The following CCDC73 variants were observed in gnomAD, a reference collection of about 807,000 sequenced individuals.
CCDC73 encodes coiled-coil domain containing 73.
Under a neutral mutation model 116.5 loss-of-function variants are expected in CCDC73, and 95 were observed. The observed-to-expected ratio is 0.82, with a 90% CI of 0.69 to 0.97. The LOEUF is 0.97. Ranked by LOEUF, CCDC73 falls within the 50% of genes least tolerant of loss-of-function variation. CCDC73 has a pLI of 0.00. For synonymous variants in CCDC73, 398 were observed against 401.3 expected, an observed-to-expected ratio of 0.99 and a Z score of 0.10; for missense variants, 1,066 against 1,206.8, an observed-to-expected ratio of 0.88 and a Z score of 1.73.
chr11:32,796,288 T>C (rs1850727573), upstream of CCDC73, among the ~76,000 whole-genome samples: 1 of 152,258 alleles, frequency 6.6e-6, no homozygotes, highest in Non-Finnish European at 1.5e-5. Flanking sequence ...ATGCCTGGCA[T>C]GTAAATGCCA....
At chr11:32,603,117 AC>A in intron 17 of CCDC73, 97 bp from the exon 18 acceptor site, 2 of 960,358 alleles carry the variant, frequency 2.1e-6, no homozygotes, top group Non-Finnish European at 3.1e-6. Flanking sequence ...TGGTAAAACC[AC>A]CATCTCTTGG....
chr11:32,813,994 C>G, the CCDC73 span, among the ~76,000 whole-genome samples: 1 of 152,178 alleles, frequency 6.6e-6, no homozygotes, highest in South Asian at 2.1e-4. Context: ...AGAATTGAAT[C>G]TTTCCATCCT....
rs769492134 is a variant in CCDC73, at chr11:32,614,752, C to T, written c.1566G>A (p.Leu522=). Residue 522 remains leucine (L), a synonymous_variant, in exon 16 of 18, where the codon TTG becomes TTA. Coordinates refer to ENST00000335185, the MANE Select transcript of CCDC73 (RefSeq NM_001008391.4). ...VTTEIKDKIC[L]EKDNGCTEFK... is the part of the protein sequence containing the mutation. ...ATTCTGTACATCCATTGTCTTTTTC[C>T]AAGCATATCTTGTCTTTTATTTCTG... 1.9e-6 allele frequency: 3 copies of T among 1,612,870 alleles called. No individual in the cohort carries two copies. Among genetic ancestry groups the T allele is most frequent in the Non-Finnish European group, 2.5e-6 (3 of 1,179,472 alleles).
chr11:32,798,258 C>T (rs911254947), upstream of CCDC73, among the ~76,000 whole-genome samples: 2 of 152,268 alleles, frequency 1.3e-5, no homozygotes, highest in Admixed American at 1.3e-4. Context: ...GTGCATAGCA[C>T]TGTGCTTGGC....
chr11:32,729,121 T>C (rs934700457), intron 2 of CCDC73, among the ~76,000 whole-genome samples: 1 of 152,062 alleles, frequency 6.6e-6, no homozygotes, highest in African/African-American at 2.4e-5. Context: ...ACCCATCACC[T>C]AGGTATTAAG....
intron 13 of CCDC73, among the ~76,000 whole-genome samples, chr11:32,641,242 G>A (rs553746613): frequency 1.2e-4 from 18 of 151,904 alleles, no homozygotes; most frequent in Non-Finnish European, 2.5e-4. Context: ...AACTCATAGT[G>A]ACTTTCTACT....
At chr11:32,635,659 T>C in intron 14 of CCDC73, 37 bp downstream of exon 14, 1 of 1,247,032 alleles carries the variant, frequency 8.0e-7, no homozygotes, top group Non-Finnish European at 1.0e-6. Flanking sequence ...CTTAATTTCT[T>C]TGATAGTTTG....
At chr11:32,816,977 G>A in the CCDC73 span, among the ~76,000 whole-genome samples, 1 of 152,008 alleles carries the variant, frequency 6.6e-6, no homozygotes, top group Non-Finnish European at 1.5e-5. Context: ...TAGAGATAGG[G>A]TTTCACCATG....
At chr11:32,747,793 G>A (rs1304023195) in intron 2 of CCDC73, among the ~76,000 whole-genome samples, 3 of 152,226 alleles carry the variant, frequency 2.0e-5, no homozygotes, top group South Asian at 2.1e-4. Flanking sequence ...AGCCAGTTGC[G>A]AAGACCATGG....
the CCDC73 span, among the ~76,000 whole-genome samples, chr11:32,822,960 T>C: frequency 6.6e-6 from 1 of 152,130 alleles, no homozygotes; most frequent in African/African-American, 2.4e-5. Flanking sequence ...AGAAAAGACA[T>C]TGTTCTCTTT....
In CCDC73 at chr11:32,661,870, T is replaced by C. The variant is rs540920382; in HGVS notation, c.646-6898A>G. Among the ~76,000 whole-genome samples, 25 of 152,042 alleles carry C rather than the reference T, an allele frequency of 1.6e-4. No homozygotes were observed. In the South Asian group the frequency reaches 2.3e-3, roughly 14 times the overall value. ...CCACAACAGTCCCCGGAGTGTGATGTTCCCCTTCCTGCGTCCATGTGTTCT... is the reference window on the plus strand; with the variant it reads ...CCACAACAGTCCCCGGAGTGTGATGCTCCCCTTCCTGCGTCCATGTGTTCT... On this transcript the variant is annotated intron_variant, in intron 9 of 17. Transcript: ENST00000335185.
rs1425087373 is a variant in CCDC73, at chr11:32,606,806, C to A, written c.3031-3786G>T. On this transcript the variant is annotated intron_variant, in intron 17 of 17. Transcript: ENST00000335185. ...GTTAAAAATTCTATAAAAATAAATTCTTTTTTTTTTTTTTTTTTTTTTGAG... is the reference window on the plus strand; with the variant it reads ...GTTAAAAATTCTATAAAAATAAATTATTTTTTTTTTTTTTTTTTTTTTGAG... 3.0e-5 allele frequency among the ~76,000 whole-genome samples: 3 copies of A among 101,050 alleles called. No homozygotes were observed. In the East Asian group the frequency reaches 7.5e-4, roughly 25 times the overall value. 66.3% of individuals were successfully genotyped at this position (101,050 alleles called of 152,430 possible).
the CCDC73 span, among the ~76,000 whole-genome samples, chr11:32,827,056 G>T: frequency 6.6e-6 from 1 of 151,976 alleles, no homozygotes; most frequent in Admixed American, 6.6e-5. Flanking sequence ...AGTAGAGACG[G>T]GGTTTCACTG....
intron 2 of CCDC73, among the ~76,000 whole-genome samples, chr11:32,735,541 T>C (rs1462436055): frequency 6.6e-6 from 1 of 152,118 alleles, no homozygotes; most frequent in Non-Finnish European, 1.5e-5. Context: ...CATTCCATGC[T>C]CATGGATAGG....
At chr11:32,653,902 T>C in intron 11 of CCDC73, 76 bp downstream of exon 11, 1 of 1,508,474 alleles carries the variant, frequency 6.6e-7, no homozygotes, top group Non-Finnish European at 8.9e-7. Context: ...GTGCTATGCA[T>C]GATTCCACTT....
In CCDC73 at chr11:32,711,543, C is replaced by T. The variant is rs142335203; in HGVS notation, c.207+6533G>A. Among the ~76,000 whole-genome samples, 540 of 149,242 alleles carry T rather than the reference C, an allele frequency of 3.6e-3. 6 individuals are homozygous for T. Among genetic ancestry groups the T allele is most frequent in the African/African-American group, 0.013 (521 of 38,770 alleles). ...GCCAAATATCATATGTTCTCACTCA[C>T]AAGAGGGAGCTAAGCTATGAGCACA... On this transcript the variant is annotated intron_variant, in intron 3 of 17. Transcript: ENST00000335185.
At chr11:32,776,964 C>CATGTAT (rs1565099257) in intron 1 of CCDC73, among the ~76,000 whole-genome samples, 80 of 121,620 alleles carry the variant, frequency 6.6e-4, no homozygotes, top group Admixed American at 2.0e-3. Context: ...TATATATACA[C>CATGTAT]ACACACACAT....
At chr11:32,626,407 TAATTTATAGATTCAA>T (rs1855574347) in intron 14 of CCDC73, among the ~76,000 whole-genome samples, 1 of 151,878 alleles carries the variant, frequency 6.6e-6, no homozygotes, top group Non-Finnish European at 1.5e-5. Flanking sequence ...CTGCCCAAGG[TAATTTATAGATTCAA>T]TGCCATCCCC....
chr11:32,708,162 T>C (rs1466486590), intron 3 of CCDC73, among the ~76,000 whole-genome samples: 1 of 152,214 alleles, frequency 6.6e-6, no homozygotes, highest in Non-Finnish European at 1.5e-5. Context: ...GAAAAGGATG[T>C]CCTTTCTTCA....
Sources: gnomAD v4.1 joint callset for allele counts (sites outside exome capture counted in the v4.1 genomes callset) on GRCh38, gnomAD v4.1.1 for gene constraint, MANE v1.5 for transcripts, NCBI Gene and HGNC (gene_info 2026-07-23, HGNC 2026-07-21) for gene names.